Variants in RNF115 observed in about 807,000 individuals in gnomAD.
RNF115 encodes the protein E3 ubiquitin-protein ligase RNF115.
A neutral mutation model predicts 39.2 loss-of-function variants in RNF115; 31 were observed. The observed-to-expected ratio is 0.79, with a 90% CI of 0.59 to 1.07. The LOEUF (loss-of-function observed/expected upper bound fraction) is 1.07. RNF115 is among the 50% of genes least tolerant of loss of function. The probability of loss-of-function intolerance (pLI) is 0.00; values close to 1 mark genes in which losing one functional copy is unlikely to be tolerated. For missense variants in RNF115, 384 were observed against 381.7 expected, an observed-to-expected ratio of 1.01 and a Z score of -0.05; for synonymous variants, 124 against 131.0, an observed-to-expected ratio of 0.95 and a Z score of 0.37.
rs781918386 is a variant in RNF115 at position 145,809,488 on chromosome 1, ATTTT to A, written c.102+14280_102+14283del. Among the ~76,000 whole-genome samples, 61 of 46,344 alleles carry A rather than the reference ATTTT, an allele frequency of 1.3e-3. 4 individuals are homozygous for A. The highest frequency in any genetic ancestry group is 6.7e-4 in the African/African-American group (7 of 10,440). 30.4% of individuals were successfully genotyped at this position (46,344 alleles called of 152,430 possible). On this transcript the variant is annotated intron_variant, in intron 1 of 8. Coordinates refer to ENST00000582693, the MANE Select transcript of RNF115 (RefSeq NM_014455.4). The stretch of plus-strand genomic sequence containing the variant: ...GCGCCACTGCACCCAGACCCAGCTA[ATTTT>A]TTTTTTTTTTTTTTTTTGGAGACAA...
intron 4 of RNF115, among the ~76,000 whole-genome samples, chr1:145,762,989 C>T (rs1658590978): frequency 6.6e-6 from 1 of 152,048 alleles, no homozygotes; most frequent in Non-Finnish European, 1.5e-5. Flanking sequence ...GAATAATAAA[C>T]ACTGGAGATC....
At chr1:145,774,296 C>CA (rs1490805375) in intron 3 of RNF115, among the ~76,000 whole-genome samples, 1 of 127,862 alleles carries the variant, frequency 7.8e-6, no homozygotes, top group Non-Finnish European at 1.7e-5. Context: ...CTCTTTCCCC[C>CA]AACATTTTTT....
At chr1:145,792,756 G>T (rs782087042) in intron 1 of RNF115, among the ~76,000 whole-genome samples, 20 of 152,148 alleles carry the variant, frequency 1.3e-4, no homozygotes, top group Non-Finnish European at 2.5e-4. Flanking sequence ...GGAAGGGAAT[G>T]GTATGAATGT....
chr1:145,746,849 A>C lies in RNF115; in HGVS notation c.*17T>G, dbSNP rs1553711805. The C allele has an allele frequency of 1.9e-6, 3 of 1,612,716 alleles. No individual in the cohort carries two copies. The South Asian group carries it at 3.3e-5, about 18-fold the overall frequency. ...AAGATGATTACCACAGCCCTGATTCAGGTGTGGTCTTTAGCTTCAGAAAGT... is the reference window on the plus strand; with the variant it reads ...AAGATGATTACCACAGCCCTGATTCCGGTGTGGTCTTTAGCTTCAGAAAGT... On this transcript the variant is annotated 3_prime_UTR_variant, in exon 9 of 9. Transcript: ENST00000582693.
rs942004809 is a variant in RNF115 at position 145,746,810 on chromosome 1, T to C, written c.*56A>G. 1 of 1,564,934 alleles carries C rather than the reference T, an allele frequency of 6.4e-7. No homozygotes were observed. Among genetic ancestry groups the C allele is most frequent in the Non-Finnish European group, 8.7e-7 (1 of 1,150,298 alleles). On this transcript the variant is annotated 3_prime_UTR_variant, in exon 9 of 9. Transcript: ENST00000582693. ...CTACTAATTTTTTGTTTTGATACAATTTACAGCTATGGTAAGATGATTACC... is the reference window on the plus strand; with the variant it reads ...CTACTAATTTTTTGTTTTGATACAACTTACAGCTATGGTAAGATGATTACC...
At chr1:145,800,346 A>T (rs1338195525) in intron 1 of RNF115, among the ~76,000 whole-genome samples, 8 of 152,200 alleles carry the variant, frequency 5.3e-5, no homozygotes, top group Non-Finnish European at 8.8e-5. Context: ...AATGAAAAAA[A>T]ATTGTGCCCA....
intron 1 of RNF115, among the ~76,000 whole-genome samples, chr1:145,793,684 C>CG (rs1395685224): frequency 6.6e-6 from 1 of 151,836 alleles, no homozygotes; most frequent in Non-Finnish European, 1.5e-5. Context: ...ACTAGAAACC[C>CG]GGGGGTCATT....
intron 4 of RNF115, among the ~76,000 whole-genome samples, chr1:145,767,137 G>A (rs4376682): frequency 0.05 from 7,571 of 151,382 alleles, 364 homozygotes; most frequent in African/African-American, 0.13. Flanking sequence ...CTTCTCAGAC[G>A]GGGCGGCTGC....
In RNF115 at chr1:145,751,497, G is replaced by A. The variant is rs1553712476; in HGVS notation, c.514C>T (p.His172Tyr). The part of the protein sequence containing the change: ...PHPFSWSGML[H>Y]SNPGDYAWGQ... ...CAGGCATAGTCCCCAGGGTTGGAGTGCAGCATCCCGCTCCTATACGTGAGA... is the reference window on the plus strand; with the variant it reads ...CAGGCATAGTCCCCAGGGTTGGAGTACAGCATCCCGCTCCTATACGTGAGA... Residue 172 changes from histidine (H) to tyrosine (Y), a missense_variant, in exon 6 of 9, where the codon CAC (histidine) becomes TAC (tyrosine). Physicochemically the swap from His to Tyr is moderately conservative, Grantham distance 83. Coordinates refer to ENST00000582693, the MANE Select transcript of RNF115 (RefSeq NM_014455.4). The A allele has an allele frequency of 1.3e-6, 2 of 1,597,612 alleles. No homozygotes were observed. The highest frequency in any genetic ancestry group is 1.7e-6 in the Non-Finnish European group (2 of 1,171,328).
At position 145,740,087 on chromosome 1, in the gene RNF115, ATAGT is replaced by A. The variant is rs1373162840; in HGVS notation, c.*6775_*6778del. 6.6e-5 allele frequency: 10 copies of A among 152,334 alleles called. No homozygotes were observed. The highest frequency in any genetic ancestry group is 3.4e-3 in the Middle Eastern group (1 of 294). The allele number at this position is 152,334 out of a possible 1,614,324, so 9.4% of individuals were successfully genotyped here. A position where few individuals can be genotyped will look rare whatever the true frequency, so the allele number is the denominator to read the frequency against. On this transcript the variant is annotated 3_prime_UTR_variant, in exon 9 of 9. Coordinates refer to ENST00000582693, the MANE Select transcript of RNF115 (RefSeq NM_014455.4). ...CTTAATCTTTCTCTACCTGTTTTAA[ATAGT>A]TAGTTCTGTGTTTCTAACTAAATAA...
chr1:145,806,235 C>A lies in RNF115; in HGVS notation c.103-17269G>T, dbSNP rs1236573149. 4.6e-5 allele frequency among the ~76,000 whole-genome samples: 7 copies of A among 152,164 alleles called. 1 individual carries two copies. The highest frequency in any genetic ancestry group is 1.4e-4 in the African/African-American group (6 of 41,426). ...TTGTGGCCCACACCTGTAATCCCAG[C>A]TGCTCAGGAAGCTGAAGCAGGAGAA... On this transcript the variant is annotated intron_variant, in intron 1 of 8. Coordinates refer to ENST00000582693, the MANE Select transcript of RNF115 (RefSeq NM_014455.4).
intron 4 of RNF115, 131 bp from the exon 5 acceptor site, chr1:145,753,180 A>G: frequency 1.6e-6 from 1 of 621,918 alleles, no homozygotes; most frequent in African/African-American, 1.8e-5. Context: ...CACAAGAGAC[A>G]GCATCAGAAA....
intron 1 of RNF115, among the ~76,000 whole-genome samples, chr1:145,797,898 G>A (rs1288211846): frequency 6.6e-6 from 1 of 152,146 alleles, no homozygotes; most frequent in African/African-American, 2.4e-5. Context: ...CTGATGATTA[G>A]TGATGTTGAA....
At chr1:145,762,571 T>C (rs1192257192) in intron 4 of RNF115, among the ~76,000 whole-genome samples, 2 of 152,182 alleles carry the variant, frequency 1.3e-5, no homozygotes, top group African/African-American at 4.8e-5. Context: ...GTAATTATCA[T>C]ATATATGTAT....
intron 4 of RNF115, among the ~76,000 whole-genome samples, chr1:145,766,676 AC>A (rs1236003516): frequency 2.4e-5 from 3 of 126,058 alleles, no homozygotes; most frequent in African/African-American, 3.0e-5. Flanking sequence ...CGGGGGGCTG[AC>A]CCCCCCACCT....
Position 145,752,712 on chromosome 1 carries a change from C to T in RNF115, c.500+266G>A, listed in dbSNP as rs587774578. ...CAAGTGATTCTCCTGCCTCAGCCTC[C>T]GAGTAGCTGGGACTACAGAAGCATG... is the stretch of plus-strand genomic sequence containing the variant. On this transcript the variant is annotated intron_variant, in intron 5 of 8. Transcript: ENST00000582693. Among the ~76,000 whole-genome samples the T allele has an allele frequency of 2.2e-3, 330 of 150,940 alleles. 1 individual carries two copies. The highest frequency in any genetic ancestry group is 3.7e-3 in the Non-Finnish European group (248 of 67,828).
intron 4 of RNF115, among the ~76,000 whole-genome samples, chr1:145,756,762 C>G (rs1028326862): frequency 6.6e-6 from 1 of 151,372 alleles, no homozygotes; most frequent in Non-Finnish European, 1.5e-5. Flanking sequence ...GTATGCCCCC[C>G]ACAACCTCTG....
intron 4 of RNF115, among the ~76,000 whole-genome samples, chr1:145,766,663 G>C (rs1553714902): frequency 6.8e-6 from 1 of 146,598 alleles, no homozygotes; most frequent in East Asian, 2.0e-4. Context: ...GCGGCTGGCC[G>C]GGCGGGGGGC....
In RNF115 at chr1:145,752,456, C is replaced by G. The variant is rs1052545520; in HGVS notation, c.500+522G>C. 3.3e-5 allele frequency among the ~76,000 whole-genome samples: 5 copies of G among 151,890 alleles called. No homozygotes were observed. In the South Asian group the frequency reaches 8.3e-4, roughly 25 times the overall value. On this transcript the variant is annotated intron_variant, in intron 5 of 8. Coordinates refer to ENST00000582693, the MANE Select transcript of RNF115 (RefSeq NM_014455.4). ...AAGACATTTCTAGCACCCAAACATC[C>G]TGGGGGACCAGGACGGCCTTCCTGA... is the stretch of plus-strand genomic sequence containing the variant.
Sources: gnomAD v4.1 joint callset for allele counts (sites outside exome capture counted in the v4.1 genomes callset) on GRCh38, gnomAD v4.1.1 for gene constraint, MANE v1.5 for transcripts, NCBI Gene and HGNC (gene_info 2026-07-23, HGNC 2026-07-21) for gene names.